Variants in ANKRD62 observed in about 807,000 individuals in gnomAD.
ANKRD62 encodes ankyrin repeat domain-containing protein 62.
Under a neutral mutation model 98.8 loss-of-function variants are expected in ANKRD62, and 61 were observed. The ratio of observed to expected loss-of-function variants is 0.62; its 90% confidence interval spans 0.50 to 0.76. ANKRD62 has a LOEUF of 0.76. ANKRD62 is among the 30% of genes least tolerant of loss of function. ANKRD62 has a pLI of 0.00. For synonymous variants in ANKRD62, 341 were observed against 367.9 expected, an observed-to-expected ratio of 0.93 and a Z score of 0.84; for missense variants, 933 against 1,082.9, an observed-to-expected ratio of 0.86 and a Z score of 1.94.
At chr18:12,168,089 G>A in the ANKRD62 span, among the ~76,000 whole-genome samples, 1 of 152,102 alleles carries the variant, frequency 6.6e-6, no homozygotes, top group Admixed American at 6.5e-5. Flanking sequence ...TAGGTTGCCT[G>A]TTCACTCTGA....
the ANKRD62 span, among the ~76,000 whole-genome samples, chr18:12,162,834 A>G: frequency 2.6e-5 from 4 of 151,914 alleles, no homozygotes; most frequent in Admixed American, 2.6e-4. Flanking sequence ...GTAGGTGTGT[A>G]GATTTGTTTC....
the ANKRD62 span, among the ~76,000 whole-genome samples, chr18:12,136,874 C>T: frequency 9.9e-5 from 15 of 152,062 alleles, no homozygotes; most frequent in Non-Finnish European, 2.2e-4. Flanking sequence ...TATAAGAATG[C>T]CTGTGATTTT....
At position 12,111,976 on chromosome 18, in the gene ANKRD62, G is replaced by T. The variant is rs540804139; in HGVS notation, c.1065-3112G>T. On this transcript the variant is annotated intron_variant, in intron 8 of 13. Coordinates refer to ENST00000587848, the MANE Select transcript of ANKRD62 (RefSeq NM_001277333.2). ...AATACAAAAATTAGCCGGGCGTGGTGGCAGGCACCTGTAATCTCAGTTACT... is the reference window on the plus strand; with the variant it reads ...AATACAAAAATTAGCCGGGCGTGGTTGCAGGCACCTGTAATCTCAGTTACT... Among the ~76,000 whole-genome samples the T allele has an allele frequency of 2.0e-5, 3 of 152,068 alleles. No homozygotes were observed. The East Asian group carries it at 5.8e-4, about 29-fold the overall frequency.
At chr18:12,136,270 A>G in the ANKRD62 span, among the ~76,000 whole-genome samples, 10 of 151,988 alleles carry the variant, frequency 6.6e-5, no homozygotes, top group African/African-American at 1.7e-4. Context: ...ATGGCTAGCC[A>G]GTTTTCCCAG....
the ANKRD62 span, among the ~76,000 whole-genome samples, chr18:12,169,343 G>A: frequency 2.0e-5 from 3 of 152,124 alleles, no homozygotes; most frequent in African/African-American, 7.2e-5. Context: ...TAGCATGAAG[G>A]GCTGTTGAAT....
At chr18:12,118,835 C>G (rs1284765588) in intron 10 of ANKRD62, among the ~76,000 whole-genome samples, 2 of 144,562 alleles carry the variant, frequency 1.4e-5, no homozygotes, top group African/African-American at 5.0e-5. Flanking sequence ...TACATTCACG[C>G]TCATGAGGGA....
At chr18:12,172,565 CG>C in the ANKRD62 span, among the ~76,000 whole-genome samples, 8 of 152,148 alleles carry the variant, frequency 5.3e-5, no homozygotes, top group African/African-American at 1.7e-4. Flanking sequence ...TTAGGCTACT[CG>C]GGGGTCAGGG....
In ANKRD62 at chr18:12,103,211, GA is replaced by G; in HGVS notation, c.877del (p.Ser293ValfsTer10). 1 of 1,360,730 alleles carries G rather than the reference GA, an allele frequency of 7.3e-7. No homozygotes were observed. The highest frequency in any genetic ancestry group is 3.0e-5 in the Admixed American group (1 of 33,304). The allele number at this position is 1,360,730 out of a possible 1,614,324, so 84.3% of individuals were successfully genotyped here. ...EGEQERLEGC[E>X]SSQPQVEEKM... ...AGAGCAAGAAAGGCTTGAAGGATGT[GA>G]AAGTAGCCAGCCACAGGTATGTAAA... On this transcript the variant is annotated frameshift_variant, in exon 7 of 14. Coordinates refer to ENST00000587848, the MANE Select transcript of ANKRD62 (RefSeq NM_001277333.2). LOFTEE classifies it high-confidence loss of function.
At chr18:12,174,708 T>A in the ANKRD62 span, among the ~76,000 whole-genome samples, 2 of 141,754 alleles carry the variant, frequency 1.4e-5, no homozygotes, top group Admixed American at 1.5e-4. Context: ...AGGGTTTGAG[T>A]GTGGTATAAG....
intron 10 of ANKRD62, among the ~76,000 whole-genome samples, chr18:12,117,250 A>AG (rs1371289716): frequency 1.3e-5 from 2 of 152,144 alleles, no homozygotes; most frequent in African/African-American, 2.4e-5. Flanking sequence ...TTGTGGCAAA[A>AG]GGGGTCTCTG....
At chr18:12,131,672 C>A (rs1910007050), downstream of ANKRD62, among the ~76,000 whole-genome samples, 2 of 152,114 alleles carry the variant, frequency 1.3e-5, no homozygotes, top group South Asian at 4.2e-4. Context: ...CAAGCAATTA[C>A]AGTTCATAAG....
chr18:12,169,238 T>C, the ANKRD62 span, among the ~76,000 whole-genome samples: 1 of 152,238 alleles, frequency 6.6e-6, no homozygotes, highest in African/African-American at 2.4e-5. Context: ...TTCCAGTTTT[T>C]GCCCTTTCGG....
chr18:12,122,084 T>G (rs1030788705), intron 10 of ANKRD62, among the ~76,000 whole-genome samples: 6 of 152,236 alleles, frequency 3.9e-5, no homozygotes, highest in Admixed American at 3.3e-4. Context: ...AATTGTCACA[T>G]TTTTGTCTGT....
chr18:12,097,112 A>T (rs1244356992), intron 4 of ANKRD62, among the ~76,000 whole-genome samples: 1 of 152,150 alleles, frequency 6.6e-6, no homozygotes, highest in Non-Finnish European at 1.5e-5. Flanking sequence ...ATAATAATAT[A>T]TCCTTCCAGG....
Position 12,103,086 on chromosome 18 carries a change from T to C in ANKRD62, c.821-72T>C, listed in dbSNP as rs1459925983. 4.6e-6 allele frequency: 5 copies of C among 1,077,036 alleles called. No homozygotes were observed. In the African/African-American group the frequency reaches 6.6e-5, roughly 14 times the overall value. 66.7% of individuals were successfully genotyped at this position (1,077,036 alleles called of 1,614,324 possible). On this transcript the variant is annotated intron_variant, in intron 6 of 13. Transcript: ENST00000587848. ...AGAAAAATATGTTATTTTCTATTTT[T>C]ATAAAGACTAAAGTTTTTATCTAAT...
At chr18:12,140,062 C>T in the ANKRD62 span, among the ~76,000 whole-genome samples, 1 of 152,038 alleles carries the variant, frequency 6.6e-6, no homozygotes, top group Non-Finnish European at 1.5e-5. Flanking sequence ...ATTCTTTTTT[C>T]TCTAAACTTT....
intron 8 of ANKRD62, among the ~76,000 whole-genome samples, chr18:12,109,709 G>A (rs1025915872): frequency 1.5e-4 from 23 of 151,738 alleles, no homozygotes; most frequent in African/African-American, 5.1e-4. Context: ...AAACGTTATC[G>A]AAGTATATCA....
chr18:12,106,848 G>T (rs1326787592), intron 7 of ANKRD62, among the ~76,000 whole-genome samples: 1 of 152,114 alleles, frequency 6.6e-6, no homozygotes, highest in African/African-American at 2.4e-5. Context: ...CGTAGAAAGG[G>T]GAAAGCTTCC....
At chr18:12,141,395 G>C in the ANKRD62 span, among the ~76,000 whole-genome samples, 4 of 152,158 alleles carry the variant, frequency 2.6e-5, no homozygotes, top group Non-Finnish European at 5.9e-5. Context: ...CGGTACCTCA[G>C]TTGGAAATGC....
Sources: allele counts gnomAD v4.1 joint callset (sites outside exome capture counted in the v4.1 genomes callset), GRCh38; gene constraint gnomAD v4.1.1; transcripts MANE v1.5; gene names NCBI Gene and HGNC (gene_info 2026-07-23, HGNC 2026-07-21).